The following PKLR variants were observed in gnomAD, a reference collection of about 807,000 sequenced individuals.
PKLR encodes the protein pyruvate kinase PKLR.
PKLR carries 38 observed loss-of-function variants against 53.6 expected under a neutral mutation model. That is an observed-to-expected ratio of 0.71 (90% confidence interval 0.55 to 0.93). The LOEUF is 0.93. PKLR is among the 40% of genes least tolerant of loss of function. The pLI is 0.00. For missense variants in PKLR, 702 were observed against 787.3 expected (o/e 0.89, Z 1.30); for synonymous variants, 328 against 316.2 (o/e 1.04, Z -0.39).
chr1:155,301,972 G>A (rs75745811), upstream of PKLR, among the ~76,000 whole-genome samples: 1,515 of 152,152 alleles, frequency 1.0e-2, 30 homozygotes, highest in African/African-American at 0.035. Context: ...CTGAAAGATC[G>A]ACTATTTTGC....
At position 155,293,127 on chromosome 1, in the gene PKLR, C is replaced by G. The variant is rs751327134; in HGVS notation, c.1436+50G>C. 44 of 1,573,528 alleles carry G rather than the reference C, an allele frequency of 2.8e-5. No homozygotes were observed. The highest frequency in any genetic ancestry group is 2.8e-5 in the Non-Finnish European group (32 of 1,143,346). ...AACCCAAGCCTGGGGCCCGTCCCAG[C>G]CCACCCCTGACCCAAAGCTCCATCT... On this transcript the variant is annotated intron_variant, in intron 9 of 10. Coordinates refer to ENST00000342741, the MANE Select transcript of PKLR (RefSeq NM_000298.6). The surrounding 1 kb of genome is among the most constrained non-coding windows in gnomAD (Gnocchi z 4.2).
At chr1:155,292,057 T>C in intron 9 of PKLR, 120 bp from the exon 10 acceptor site, 1 of 923,184 alleles carries the variant, frequency 1.1e-6, no homozygotes, top group Non-Finnish European at 1.7e-6. Flanking sequence ...TAAGTCATCA[T>C]ACTTCTCTGG....
intron 2 of PKLR, among the ~76,000 whole-genome samples, chr1:155,297,063 C>T (rs1331817078): frequency 1.3e-4 from 20 of 152,184 alleles, no homozygotes; most frequent in Admixed American, 1.2e-3. Flanking sequence ...CTGCTCTTTC[C>T]CAGTCTCCTT....
In PKLR at chr1:155,295,396, T is replaced by C; in HGVS notation, c.507+41A>G. ...TGGGCCCAACCCTACAGGCGCCGCC[T>C]TTCCGGCCCTGGCCCAGCGAGTCCC... On this transcript the variant is annotated intron_variant, in intron 4 of 10. Coordinates refer to ENST00000342741, the MANE Select transcript of PKLR (RefSeq NM_000298.6). This position sits in a 1 kb window ranked among gnomAD's most constrained non-coding sequence, Gnocchi z 4.3. 2 of 1,612,534 alleles carry C rather than the reference T, an allele frequency of 1.2e-6. No homozygotes were observed. The highest frequency in any genetic ancestry group is 1.7e-6 in the Non-Finnish European group (2 of 1,179,376).
chr1:155,299,899 A>G (rs902758190), intron 2 of PKLR, among the ~76,000 whole-genome samples, 199 bp downstream of exon 2: 4 of 152,132 alleles, frequency 2.6e-5, no homozygotes, highest in African/African-American at 9.7e-5. Context: ...CAGCTCCCCA[A>G]GGGTAGGGAT....
rs1647385698 is a variant in PKLR at position 155,293,970 on chromosome 1, T to C, written c.1116+265A>G. 6.6e-6 allele frequency among the ~76,000 whole-genome samples: 1 copy of C among 152,088 alleles called. No homozygotes were observed. The highest frequency in any genetic ancestry group is 1.9e-4 in the East Asian group (1 of 5,174). On this transcript the variant is annotated intron_variant, in intron 7 of 10. Coordinates refer to ENST00000342741, the MANE Select transcript of PKLR (RefSeq NM_000298.6). This position sits in a 1 kb window ranked among gnomAD's most constrained non-coding sequence, Gnocchi z 4.2. ...CAACATGGTGAAACCCCGTCTCTAC[T>C]GAAAATACAAAAAGTAGCCTGGCAT...
chr1:155,301,543 G>T, upstream of PKLR: 2 of 966,688 alleles, frequency 2.1e-6, no homozygotes, highest in Non-Finnish European at 1.6e-6. Context: ...CCCCCAGAAC[G>T]GCCTGCTCTC....
chr1:155,295,508 G>C lies in PKLR; in HGVS notation c.436C>G (p.Leu146Val). The C allele has an allele frequency of 6.2e-7, 1 of 1,611,830 alleles. No individual in the cohort carries two copies. The highest frequency in any genetic ancestry group is 8.5e-7 in the Non-Finnish European group (1 of 1,179,070). Residue 146 changes from leucine (L) to valine (V), a missense_variant, in exon 4 of 11, where the codon CTC becomes GTC. Leu to Val is a conservative substitution (Grantham distance 32). Around this residue, in one of 2 missense-constraint regions of PKLR, gnomAD observed 519 missense variants for 537.1 expected, o/e 0.97. Transcript: ENST00000342741. The surrounding 1 kb of genome is among the most constrained non-coding windows in gnomAD (Gnocchi z 4.3). Reference sequence around the variant, plus strand: ...GCGATGGCCACGGGCCGGTAGCTGAGTGGGGAACCTGCAAAGCTCTCCACC... The same window carrying C: ...GCGATGGCCACGGGCCGGTAGCTGACTGGGGAACCTGCAAAGCTCTCCACC... ...EAVESFAGSPLSYRPVAIALD... is the reference protein window; with the variant it reads ...EAVESFAGSPVSYRPVAIALD...
chr1:155,304,555 GGGGGAC>G (rs1316968187), upstream of PKLR, among the ~76,000 whole-genome samples: 16 of 152,224 alleles, frequency 1.1e-4, no homozygotes, highest in Admixed American at 3.3e-4. Context: ...GACGAAGAGA[GGGGGAC>G]GGCTTGGAGA....
upstream of PKLR, among the ~76,000 whole-genome samples, chr1:155,302,045 C>CTTTTTCT (rs1648030838): frequency 6.6e-6 from 1 of 151,426 alleles, no homozygotes; most frequent in Admixed American, 6.6e-5. Flanking sequence ...TTCCTTTTTT[C>CTTTTTCT]TTTTTCTTTT....
chr1:155,296,778 C>G (rs1165245416), intron 2 of PKLR, among the ~76,000 whole-genome samples: 1 of 152,154 alleles, frequency 6.6e-6, no homozygotes, highest in African/African-American at 2.4e-5. Context: ...TGCAGCAAAA[C>G]TCATCGCAAG....
chr1:155,289,463 T>C lies in PKLR; in HGVS notation c.*1109A>G, dbSNP rs1040677990. On this transcript the variant is annotated 3_prime_UTR_variant, in exon 11 of 11. Transcript: ENST00000342741. ...CCTCTGTGGTCCTTGCCCAAACCCA[T>C]CAGCGCAATACTTGAACCTTCTCCC... 1.3e-5 allele frequency: 2 copies of C among 152,198 alleles called. No homozygotes were observed. The highest frequency in any genetic ancestry group is 4.8e-5 in the African/African-American group (2 of 41,430). The allele number at this position is 152,198 out of a possible 1,614,324, so 9.4% of individuals were successfully genotyped here. A position where few individuals can be genotyped will look rare whatever the true frequency, so the allele number is the denominator to read the frequency against.
chr1:155,294,667 G>A lies in PKLR; in HGVS notation c.780C>T (p.Asp260=). ...KGVNLPGAQV[D]LPGLSEQDVR... is the part of the protein sequence containing the mutation. Reference sequence around the variant, plus strand: ...CGTCCTGCTCGGACAGCCCGGGCAAGTCCACCTGGGCCCCTGGCAAGTTCA... The same window carrying A: ...CGTCCTGCTCGGACAGCCCGGGCAAATCCACCTGGGCCCCTGGCAAGTTCA... Residue 260 remains aspartate, a synonymous_variant, in exon 6 of 11, where the codon GAC becomes GAT. Transcript: ENST00000342741. The A allele has an allele frequency of 1.9e-6, 3 of 1,614,134 alleles. No individual in the cohort carries two copies. Among genetic ancestry groups the A allele is most frequent in the Non-Finnish European group, 2.5e-6 (3 of 1,180,034 alleles).
chr1:155,300,026 A>G (rs879169527), intron 2 of PKLR, 72 bp downstream of exon 2: 2 of 1,428,970 alleles, frequency 1.4e-6, no homozygotes, highest in African/African-American at 1.4e-5. Context: ...CTCAAAGGAG[A>G]CAAAAGATGA....
chr1:155,294,716 C>T lies in PKLR; in HGVS notation c.731G>A (p.Gly244Asp), dbSNP rs774192277. 5.3e-5 allele frequency: 85 copies of T among 1,613,820 alleles called. No individual in the cohort carries two copies. The highest frequency in any genetic ancestry group is 1.7e-5 in the Non-Finnish European group (20 of 1,180,030). Residue 244 changes from glycine to aspartate, a missense_variant, in exon 6 of 11, where the codon GGC becomes GAC. Around this residue, in one of 2 missense-constraint regions of PKLR, gnomAD observed 519 missense variants for 537.1 expected, o/e 0.97. Coordinates refer to ENST00000342741, the MANE Select transcript of PKLR (RefSeq NM_000298.6). The part of the protein sequence containing the change: ...EGLVTQVENG[G>D]VLGSRKGVNL... The stretch of plus-strand genomic sequence containing the variant: ...CACGCCCTTCCGGCTGCCCAGGACG[C>T]CGCCGTTCTCCACTTGGGTCACCAG...
Position 155,295,591 on chromosome 1 carries a change from G to A in PKLR, c.376-23C>T. The A allele has an allele frequency of 1.2e-6, 2 of 1,614,124 alleles. No individual in the cohort carries two copies. The highest frequency in any genetic ancestry group is 1.7e-6 in the Non-Finnish European group (2 of 1,180,018). On this transcript the variant is annotated intron_variant, in intron 3 of 10. Coordinates refer to ENST00000342741, the MANE Select transcript of PKLR (RefSeq NM_000298.6). This position sits in a 1 kb window ranked among gnomAD's most constrained non-coding sequence, Gnocchi z 4.3. Reference sequence around the variant, plus strand: ...GTACTGGGGGAGGGAGCGGAGCGAGGGTTTCAGGGGAAGGTGGCCAGGACC... The same window carrying A: ...GTACTGGGGGAGGGAGCGGAGCGAGAGTTTCAGGGGAAGGTGGCCAGGACC...
At chr1:155,296,128 G>A (rs562910545) in intron 2 of PKLR, among the ~76,000 whole-genome samples, 1 of 152,308 alleles carries the variant, frequency 6.6e-6, no homozygotes, top group East Asian at 1.9e-4. Flanking sequence ...CGGGCTTTTA[G>A]AGCTAGGAGG....
intron 10 of PKLR, 79 bp downstream of exon 10, chr1:155,291,677 T>G: frequency 7.8e-7 from 1 of 1,288,234 alleles, no homozygotes; most frequent in Non-Finnish European, 1.1e-6. Flanking sequence ...GCAAGGCCCT[T>G]TGAGTGGGTA....
intron 9 of PKLR, among the ~76,000 whole-genome samples, chr1:155,292,565 A>G (rs564049823): frequency 6.6e-6 from 1 of 152,306 alleles, no homozygotes; most frequent in Admixed American, 6.5e-5. Context: ...TGAACTTGGG[A>G]GGTGAAGGTT....
Sources: gnomAD v4.1 joint callset for allele counts (sites outside exome capture counted in the v4.1 genomes callset) on GRCh38, gnomAD v4.1.1 for gene constraint, gnomAD v4.1.1 regional missense constraint, Gnocchi (gnomAD v3.1) non-coding constraint, MANE v1.5 for transcripts, NCBI Gene and HGNC (gene_info 2026-07-23, HGNC 2026-07-21) for gene names.